The following TMPRSS11F variants were observed in gnomAD, a reference collection of about 807,000 sequenced individuals.
The protein encoded by TMPRSS11F is transmembrane serine protease 11F.
In TMPRSS11F, 47 loss-of-function variants were observed where a neutral mutation model predicts 60.2. The observed-to-expected ratio is 0.78, with a 90% confidence interval of 0.62 to 1.00. The LOEUF (loss-of-function observed/expected upper bound fraction) is 1.00. TMPRSS11F is among the 50% of genes least tolerant of loss of function. TMPRSS11F has a pLI of 0.00. For synonymous variants in TMPRSS11F, 166 were observed against 167.3 expected, an observed-to-expected ratio of 0.99 and a Z score of 0.06; for missense variants, 519 against 522.9, an observed-to-expected ratio of 0.99 and a Z score of 0.07.
At chr4:68,064,121 C>A (rs1328191259) in intron 8 of TMPRSS11F, among the ~76,000 whole-genome samples, 1 of 138,058 alleles carries the variant, frequency 7.2e-6, no homozygotes, top group Middle Eastern at 3.6e-3. Context: ...CTCTCCCTGA[C>A]TTTTTTTTTT....
intron 8 of TMPRSS11F, chr4:68,062,556 G>A: frequency 1.2e-6 from 1 of 800,504 alleles, no homozygotes; most frequent in East Asian, 2.5e-5. Flanking sequence ...CGTGACTCTA[G>A]CAACGCCTGC....
chr4:68,070,962 T>C (rs1723448671), intron 5 of TMPRSS11F, among the ~76,000 whole-genome samples: 1 of 152,218 alleles, frequency 6.6e-6, no homozygotes, highest in Non-Finnish European at 1.5e-5. Flanking sequence ...GTTATTTTGG[T>C]ATTAAAACAA....
rs1174881204 is a variant in TMPRSS11F, at chr4:68,111,240, T to C, written c.12-12202A>G. Among the ~76,000 whole-genome samples the C allele has an allele frequency of 2.6e-5, 4 of 152,218 alleles. No homozygotes were observed. In the East Asian group the frequency reaches 7.7e-4, roughly 29 times the overall value. ...ACAATCTTCACCCATCTCAGTTTTA[T>C]ATTTCCAAAATGATTCTTTCTCATG... On this transcript the variant is annotated intron_variant, in intron 1 of 9. Coordinates refer to ENST00000356291, the MANE Select transcript of TMPRSS11F (RefSeq NM_207407.2).
intron 3 of TMPRSS11F, among the ~76,000 whole-genome samples, chr4:68,079,911 A>G (rs4860278): frequency 0.74 from 112,068 of 152,150 alleles, 41,912 homozygotes; most frequent in East Asian, 0.88. Flanking sequence ...GTCTGAGCTC[A>G]CATCTTTCCT....
chr4:68,124,945 A>ATTGT (rs1724688029), intron 1 of TMPRSS11F, among the ~76,000 whole-genome samples: 2 of 94,100 alleles, frequency 2.1e-5, no homozygotes, highest in Admixed American at 2.9e-4. Flanking sequence ...CTAAACCAGC[A>ATTGT]TTTTTTTTTT....
intron 1 of TMPRSS11F, among the ~76,000 whole-genome samples, chr4:68,108,680 T>C (rs1012750512): frequency 2.0e-5 from 3 of 152,186 alleles, no homozygotes; most frequent in Admixed American, 1.3e-4. Flanking sequence ...AACTCCTGGG[T>C]AGGCTTTGAC....
chr4:68,076,017 TAAAGAAC>T (rs1379781643), intron 3 of TMPRSS11F, among the ~76,000 whole-genome samples: 51 of 150,898 alleles, frequency 3.4e-4, no homozygotes, highest in African/African-American at 1.2e-3. Flanking sequence ...AAAAAAAGAA[TAAAGAAC>T]ACTTACAGCA....
intron 2 of TMPRSS11F, among the ~76,000 whole-genome samples, chr4:68,094,103 T>C (rs1346628390): frequency 3.1e-5 from 4 of 128,016 alleles, no homozygotes; most frequent in African/African-American, 1.1e-4. Context: ...TGCACACATA[T>C]GTTTATTGCG....
intron 1 of TMPRSS11F, among the ~76,000 whole-genome samples, chr4:68,128,533 A>G (rs1487763607): frequency 6.6e-6 from 1 of 151,864 alleles, no homozygotes; most frequent in Non-Finnish European, 1.5e-5. Context: ...AGGGTGGAAA[A>G]GTGAGTGTTT....
chr4:68,101,826 T>C lies in TMPRSS11F; in HGVS notation c.12-2788A>G, dbSNP rs73825381. Among the ~76,000 whole-genome samples, 1,376 of 152,282 alleles carry C rather than the reference T, an allele frequency of 9.0e-3. 25 individuals carry two copies. Among genetic ancestry groups the C allele is most frequent in the African/African-American group, 0.031 (1,308 of 41,546 alleles). On this transcript the variant is annotated intron_variant, in intron 1 of 9. Coordinates refer to ENST00000356291, the MANE Select transcript of TMPRSS11F (RefSeq NM_207407.2). ...CTTTATCTCACCTAGTAACCATTTTTTGTTTGTTTTTGTGGCAACAGCAGC... is the reference window on the plus strand; with the variant it reads ...CTTTATCTCACCTAGTAACCATTTTCTGTTTGTTTTTGTGGCAACAGCAGC...
intron 3 of TMPRSS11F, among the ~76,000 whole-genome samples, chr4:68,088,547 C>T (rs979579619): frequency 6.6e-5 from 10 of 151,964 alleles, no homozygotes; most frequent in Non-Finnish European, 1.3e-4. Flanking sequence ...GCGGACCTAA[C>T]AGACATCTAC....
At chr4:68,117,467 CAAAAAAAAAAAA>C (rs55708045) in intron 1 of TMPRSS11F, among the ~76,000 whole-genome samples, 4 of 51,396 alleles carry the variant, frequency 7.8e-5, no homozygotes, top group East Asian at 6.7e-4. Flanking sequence ...GACTCTGTCT[CAAAAAAAAAAAA>C]AAAAAAAAAA....
chr4:68,080,379 A>G (rs919116664), intron 3 of TMPRSS11F: 6 of 152,258 alleles, frequency 3.9e-5, no homozygotes, highest in South Asian at 2.1e-4. Flanking sequence ...AAAGAATTGT[A>G]GTAGATATTT....
chr4:68,086,623 T>C (rs574465024), intron 3 of TMPRSS11F, among the ~76,000 whole-genome samples: 1 of 152,014 alleles, frequency 6.6e-6, no homozygotes, highest in South Asian at 2.1e-4. Flanking sequence ...GACTGATAGC[T>C]ACCTAAATTA....
At chr4:68,094,457 A>C (rs1169073587) in intron 2 of TMPRSS11F, among the ~76,000 whole-genome samples, 1 of 144,818 alleles carries the variant, frequency 6.9e-6, no homozygotes, top group African/African-American at 2.5e-5. Context: ...CTAGATGACC[A>C]GTTAGTGGGT....
intron 1 of TMPRSS11F, among the ~76,000 whole-genome samples, chr4:68,099,730 G>C (rs1415296205): frequency 6.6e-6 from 1 of 151,892 alleles, no homozygotes; most frequent in Non-Finnish European, 1.5e-5. Context: ...AATATTTATT[G>C]TGAACTTGTT....
intron 1 of TMPRSS11F, among the ~76,000 whole-genome samples, chr4:68,127,486 TG>T (rs1258617741): frequency 6.6e-6 from 1 of 151,460 alleles, no homozygotes; most frequent in African/African-American, 2.4e-5. Context: ...CAGGGACCCA[TG>T]AAAAAAACTT....
intron 5 of TMPRSS11F, among the ~76,000 whole-genome samples, chr4:68,070,660 A>T (rs1311498329): frequency 6.6e-6 from 1 of 152,138 alleles, no homozygotes; most frequent in Non-Finnish European, 1.5e-5. Context: ...ACTTCATTTT[A>T]TGTTTCCCTT....
chr4:68,057,099 A>G lies in TMPRSS11F; in HGVS notation c.1158+2227T>C, dbSNP rs150482315. Reference sequence around the variant, plus strand: ...CAGGAGTTCGAGACCAGCCTGGCCAACATGGAGAAACCTCATCTTTACTGA... The same window carrying G: ...CAGGAGTTCGAGACCAGCCTGGCCAGCATGGAGAAACCTCATCTTTACTGA... On this transcript the variant is annotated intron_variant, in intron 9 of 9. Coordinates refer to ENST00000356291, the MANE Select transcript of TMPRSS11F (RefSeq NM_207407.2). Among the ~76,000 whole-genome samples, 952 of 152,160 alleles carry G rather than the reference A, an allele frequency of 6.3e-3. 5 individuals carry two copies. Among genetic ancestry groups the G allele is most frequent in the Non-Finnish European group, 9.1e-3 (618 of 68,004 alleles).
Sources: gnomAD v4.1 joint callset for allele counts (sites outside exome capture counted in the v4.1 genomes callset) on GRCh38, gnomAD v4.1.1 for gene constraint, MANE v1.5 for transcripts, NCBI Gene and HGNC (gene_info 2026-07-23, HGNC 2026-07-21) for gene names.